ACYP2: variants seen among roughly 807,000 people sequenced by gnomAD.
The protein encoded by ACYP2 is acylphosphatase 2.
Under a neutral mutation model 11.2 loss-of-function variants are expected in ACYP2, and 12 were observed. That is an observed-to-expected ratio of 1.08 (90% CI 0.69 to 1.74). The LOEUF (loss-of-function observed/expected upper bound fraction) is 1.74, where lower values mean the gene tolerates loss of function less well. Among genes scored for constraint, ACYP2 ranks in the 40% most tolerant of loss-of-function variants. The probability of loss-of-function intolerance (pLI) is 0.00; values close to 1 mark genes in which losing one functional copy is unlikely to be tolerated. For missense variants in ACYP2, 134 were observed against 101.9 expected (o/e 1.31, Z -1.35); for synonymous variants, 43 against 32.2 (o/e 1.33, Z -1.13).
chr2:54,256,488 T>C (rs1247007804), intron 6 of ACYP2, among the ~76,000 whole-genome samples: 1 of 152,234 alleles, frequency 6.6e-6, no homozygotes, highest in East Asian at 1.9e-4. Flanking sequence ...TATCCGAGGC[T>C]TCTCCCTATT....
intron 2 of ACYP2, among the ~76,000 whole-genome samples, chr2:53,981,717 G>A (rs1307224769): frequency 6.6e-6 from 1 of 151,982 alleles, no homozygotes; most frequent in African/African-American, 2.4e-5. Flanking sequence ...TCAGCCTTAG[G>A]TTACCTGCCA....
chr2:54,048,911 A>G (rs964170753), intron 2 of ACYP2, among the ~76,000 whole-genome samples: 1 of 152,184 alleles, frequency 6.6e-6, no homozygotes, highest in African/African-American at 2.4e-5. Context: ...AGGAAGCAAC[A>G]GCAGGGACAA....
chr2:54,211,516 A>G (rs962302734), intron 6 of ACYP2, among the ~76,000 whole-genome samples: 1 of 152,184 alleles, frequency 6.6e-6, no homozygotes, highest in African/African-American at 2.4e-5. Context: ...TTTGGTTTAA[A>G]GTATGATTGG....
At chr2:54,180,484 A>G (rs930225503) in intron 6 of ACYP2, among the ~76,000 whole-genome samples, 3 of 152,138 alleles carry the variant, frequency 2.0e-5, no homozygotes, top group Middle Eastern at 3.2e-3. Flanking sequence ...AAAAGACATC[A>G]CTTCGGAGAT....
At chr2:54,183,420 A>G (rs1005893408) in intron 6 of ACYP2, among the ~76,000 whole-genome samples, 1 of 152,080 alleles carries the variant, frequency 6.6e-6, no homozygotes, top group Non-Finnish European at 1.5e-5. Flanking sequence ...TAATCTCAGC[A>G]CTTTAGGAGG....
chr2:54,200,455 T>G (rs1474669961), intron 6 of ACYP2, among the ~76,000 whole-genome samples: 1 of 152,186 alleles, frequency 6.6e-6, no homozygotes, highest in Non-Finnish European at 1.5e-5. Context: ...ACCACTAATC[T>G]ACTGTCTGTC....
chr2:54,001,767 C>G (rs1672815102), intron 2 of ACYP2, among the ~76,000 whole-genome samples: 1 of 152,232 alleles, frequency 6.6e-6, no homozygotes, highest in African/African-American at 2.4e-5. Context: ...AAGTATCTGA[C>G]TTCTGAAAAT....
At chr2:54,013,252 A>AATAT (rs202163027) in intron 2 of ACYP2, among the ~76,000 whole-genome samples, 2 of 38,700 alleles carry the variant, frequency 5.2e-5, no homozygotes, top group African/African-American at 2.9e-4. Flanking sequence ...ACCACCATCT[A>AATAT]ATATGTGTGT....
intron 4 of ACYP2, among the ~76,000 whole-genome samples, chr2:54,095,571 A>C (rs867082799): frequency 0.031 from 3,575 of 114,126 alleles, 153 homozygotes; most frequent in African/African-American, 0.11. Context: ...GGCTGACCCC[A>C]CCACCTCCCT....
chr2:54,228,534 C>G (rs1048874696), intron 6 of ACYP2, among the ~76,000 whole-genome samples: 3 of 152,120 alleles, frequency 2.0e-5, no homozygotes, highest in Non-Finnish European at 4.4e-5. Flanking sequence ...TACTCTTAAC[C>G]AGTATGCCAA....
At chr2:54,062,295 C>T (rs548972190) in intron 4 of ACYP2, among the ~76,000 whole-genome samples, 5 of 152,232 alleles carry the variant, frequency 3.3e-5, no homozygotes, top group African/African-American at 4.8e-5. Flanking sequence ...TCCTATTTGC[C>T]CTCAACATTA....
intron 2 of ACYP2, among the ~76,000 whole-genome samples, chr2:54,013,133 T>G (rs1309150298): frequency 6.6e-6 from 1 of 152,010 alleles, no homozygotes; most frequent in African/African-American, 2.4e-5. Flanking sequence ...TTCTCTGAGC[T>G]CCTTTTAAAT....
chr2:54,216,568 C>T (rs962083949), intron 6 of ACYP2, among the ~76,000 whole-genome samples: 7 of 146,102 alleles, frequency 4.8e-5, no homozygotes, highest in East Asian at 4.0e-4. Flanking sequence ...GACAGAGTAT[C>T]GCTATGTCAC....
At chr2:54,253,761 GCTCTGTAGTC>G (rs1687347742) in intron 6 of ACYP2, 1 of 152,148 alleles carries the variant, frequency 6.6e-6, no homozygotes, top group African/African-American at 2.4e-5. Flanking sequence ...ATTCCATACA[GCTCTGTAGTC>G]CTTTAAACCC....
Position 54,102,638 on chromosome 2 carries a change from C to CAAAAA in ACYP2, c.278-32783_278-32779dup, listed in dbSNP as rs58842257. 3.8e-4 allele frequency among the ~76,000 whole-genome samples: 32 copies of CAAAAA among 83,326 alleles called. 5 individuals are homozygous for CAAAAA. Among genetic ancestry groups the CAAAAA allele is most frequent in the Non-Finnish European group, 5.5e-4 (24 of 43,290 alleles). The allele number at this position is 83,326 out of a possible 152,430, so 54.7% of individuals were successfully genotyped here. ...AAACCCAATTTAAGCTGGCTTAAGC[C>CAAAAA]AAAAAAAAAAAAAAAAAAAAAAAAA... On this transcript the variant is annotated intron_variant, in intron 4 of 6. Coordinates refer to ENST00000607452, the MANE Select transcript of ACYP2 (RefSeq NM_001320586.2).
chr2:54,213,655 A>G (rs1381761141), intron 6 of ACYP2, among the ~76,000 whole-genome samples: 1 of 152,058 alleles, frequency 6.6e-6, no homozygotes. Context: ...TGGTTTTGAT[A>G]TGCATTTCTC....
At chr2:54,146,510 A>G (rs978916622) in intron 6 of ACYP2, among the ~76,000 whole-genome samples, 8 of 151,572 alleles carry the variant, frequency 5.3e-5, no homozygotes, top group African/African-American at 1.9e-4. Context: ...CCTGGCCTCA[A>G]GTGATCCGCC....
rs1476218742 is a variant in ACYP2, at chr2:54,048,134, AG to A, written c.63-2823del. Among the ~76,000 whole-genome samples the A allele has an allele frequency of 3.3e-5, 5 of 152,146 alleles. 1 individual carries two copies. Among genetic ancestry groups the A allele is most frequent in the Non-Finnish European group, 7.4e-5 (5 of 68,026 alleles). ...TTTTATATATATTTTTTGTAATAAA[AG>A]TTTTTGTAGGCCAGGCGCAGTGGCT... On this transcript the variant is annotated intron_variant, in intron 2 of 6. Coordinates refer to ENST00000607452, the MANE Select transcript of ACYP2 (RefSeq NM_001320586.2).
chr2:54,004,484 C>T (rs1056685113), intron 2 of ACYP2, among the ~76,000 whole-genome samples: 3 of 144,528 alleles, frequency 2.1e-5, no homozygotes, highest in Non-Finnish European at 4.5e-5. Flanking sequence ...GATCTTGGCT[C>T]ACTGCAAGTT....
Sources: allele counts gnomAD v4.1 joint callset (sites outside exome capture counted in the v4.1 genomes callset), GRCh38; gene constraint gnomAD v4.1.1; transcripts MANE v1.5; gene names NCBI Gene and HGNC (gene_info 2026-07-23, HGNC 2026-07-21).